HAUS8: variants seen among roughly 807,000 people sequenced by gnomAD.
HAUS8 encodes the protein HAUS augmin-like complex subunit 8.
HAUS8 carries 38 observed loss-of-function variants against 42.9 expected under a neutral mutation model. The ratio of observed to expected loss-of-function variants is 0.89; its 90% CI spans 0.68 to 1.16. The LOEUF is 1.16. HAUS8 is among the 50% of genes most tolerant of loss of function. The probability of loss-of-function intolerance (pLI) is 0.00; values close to 1 mark genes in which losing one functional copy is unlikely to be tolerated. For missense variants in HAUS8, 494 were observed against 511.6 expected (o/e 0.97, Z 0.33); for synonymous variants, 199 against 205.8 (o/e 0.97, Z 0.28).
intron 3 of HAUS8, among the ~76,000 whole-genome samples, chr19:17,065,748 C>T (rs1568639937): frequency 2.0e-5 from 3 of 151,466 alleles, no homozygotes; most frequent in East Asian, 3.9e-4. Flanking sequence ...AGCTTGAACC[C>T]GGGAGGCAGA....
chr19:17,052,544 TC>T (rs1395339307), intron 10 of HAUS8: 2 of 295,428 alleles, frequency 6.8e-6, no homozygotes, highest in East Asian at 1.7e-4. Flanking sequence ...GCCACTGCAC[TC>T]CAGCCTGGGC....
intron 9 of HAUS8, among the ~76,000 whole-genome samples, chr19:17,054,550 C>A (rs7246697): frequency 6.6e-6 from 1 of 151,696 alleles, no homozygotes; most frequent in African/African-American, 2.4e-5. Context: ...GCCTGTAATC[C>A]CAGCACTTTG....
chr19:17,073,686 G>C (rs2057442452), intron 1 of HAUS8: 1 of 254,224 alleles, frequency 3.9e-6, no homozygotes, highest in African/African-American at 2.2e-5. Flanking sequence ...ACAAAACACA[G>C]AGCTCCTTCC....
chr19:17,055,129 AAAAAAAAAAAAAAAATATATATAT>A (rs2057312509), intron 9 of HAUS8: 1 of 34,736 alleles, frequency 2.9e-5, no homozygotes. Flanking sequence ...AAAAAAAAAA[AAAAAAAAAAAAAAAATATATATAT>A]ATATATATAT....
chr19:17,053,779 CA>C (rs1276489809), intron 9 of HAUS8: 1 of 151,840 alleles, frequency 6.6e-6, no homozygotes, highest in African/African-American at 2.4e-5. Flanking sequence ...TCTCCTGCCT[CA>C]GGATCCTGAG....
Position 17,049,900 on chromosome 19 carries a change from G to C in HAUS8, c.1206C>G (p.Leu402=), listed in dbSNP as rs2057275422. Residue 402 remains leucine (L), a synonymous_variant, in exon 11 of 11, where the codon CTC becomes CTG. Coordinates refer to ENST00000253669, the MANE Select transcript of HAUS8 (RefSeq NM_033417.2). ...SSSQAEVPPS[L]SRSGRDLS Reference sequence around the variant, plus strand: ...ATGACAAGTCCCTCCCTGAACGAGAGAGAGAGGGCGGGACTTCTGCCTGGC... The same window carrying C: ...ATGACAAGTCCCTCCCTGAACGAGACAGAGAGGGCGGGACTTCTGCCTGGC... The C allele has an allele frequency of 1.3e-6, 2 of 1,504,570 alleles. No individual in the cohort carries two copies. Among genetic ancestry groups the C allele is most frequent in the Non-Finnish European group, 1.8e-6 (2 of 1,125,816 alleles). 93.2% of individuals were successfully genotyped at this position (1,504,570 alleles called of 1,614,324 possible).
At chr19:17,053,478 C>T (rs1471518357) in intron 9 of HAUS8, 2 of 158,498 alleles carry the variant, frequency 1.3e-5, no homozygotes, top group African/African-American at 4.8e-5. Flanking sequence ...ATCAGCCAGC[C>T]TCTTCTCCCT....
chr19:17,070,845 G>A (rs1457936512), intron 2 of HAUS8, among the ~76,000 whole-genome samples: 6 of 152,186 alleles, frequency 3.9e-5, no homozygotes, highest in Non-Finnish European at 8.8e-5. Context: ...CAAGGCAGGC[G>A]GATCACCTGA....
intron 4 of HAUS8, among the ~76,000 whole-genome samples, chr19:17,062,310 T>C (rs1396152543): frequency 6.6e-6 from 1 of 152,192 alleles, no homozygotes; most frequent in Non-Finnish European, 1.5e-5. Context: ...TTTTGTATTT[T>C]TAGTAGAAAT....
At chr19:17,053,384 C>T in intron 9 of HAUS8, 1 of 201,118 alleles carries the variant, frequency 5.0e-6, no homozygotes, top group South Asian at 8.8e-5. Context: ...TGCACTAGGA[C>T]AACACGCCTC....
chr19:17,070,789 G>C (rs1179497004), intron 2 of HAUS8, among the ~76,000 whole-genome samples: 3 of 152,220 alleles, frequency 2.0e-5, no homozygotes, highest in African/African-American at 7.2e-5. Context: ...ATGATTCTAG[G>C]CCAGGCGTAG....
At position 17,059,545 on chromosome 19, in the gene HAUS8, TCAGA is replaced by T. The variant is rs764311983; in HGVS notation, c.420+8_420+11del. On this transcript the variant is annotated splice_region_variant and intron_variant, in intron 6 of 10. Transcript: ENST00000253669. ...ACCCATCTGTGGCTGCCCTCTTCTTTCAGACACTTACCGGGCTCTTTTTCCGAGG... is the reference window on the plus strand; with the variant it reads ...ACCCATCTGTGGCTGCCCTCTTCTTTCACTTACCGGGCTCTTTTTCCGAGG... The T allele has an allele frequency of 8.1e-6, 13 of 1,597,754 alleles. No homozygotes were observed. The highest frequency in any genetic ancestry group is 7.7e-6 in the Non-Finnish European group (9 of 1,165,732).
intron 4 of HAUS8, among the ~76,000 whole-genome samples, chr19:17,060,435 C>T (rs548925574): frequency 3.3e-5 from 5 of 152,284 alleles, no homozygotes; most frequent in East Asian, 1.9e-4. Context: ...GTTTTTGAGA[C>T]GGAGTTTCAC....
chr19:17,052,546 C>G lies in HAUS8; in HGVS notation c.929+279G>C, dbSNP rs938220318. The stretch of plus-strand genomic sequence containing the variant: ...TGAGCTGAGATCTGCCACTGCACTC[C>G]AGCCTGGGCGACAGAGTGAGAACCT... On this transcript the variant is annotated intron_variant, in intron 10 of 10. Coordinates refer to ENST00000253669, the MANE Select transcript of HAUS8 (RefSeq NM_033417.2). The G allele has an allele frequency of 1.0e-5, 3 of 296,372 alleles. No homozygotes were observed. The Admixed American group carries it at 1.4e-4, about 14-fold the overall frequency. The allele number at this position is 296,372 out of a possible 1,614,324, so 18.4% of individuals were successfully genotyped here.
intron 3 of HAUS8, among the ~76,000 whole-genome samples, chr19:17,063,370 C>T (rs551094719): frequency 7.7e-4 from 118 of 152,282 alleles, no homozygotes; most frequent in Middle Eastern, 3.4e-3. Flanking sequence ...GACATGACGA[C>T]GCACAGACAC....
intron 2 of HAUS8, 73 bp from the exon 3 acceptor site, chr19:17,069,159 C>T (rs2057406167): frequency 1.5e-6 from 2 of 1,368,596 alleles, no homozygotes; most frequent in Admixed American, 1.9e-5. Flanking sequence ...GACCCCACGC[C>T]CCGGAGACCC....
chr19:17,063,291 G>T (rs529181075), intron 3 of HAUS8, among the ~76,000 whole-genome samples: 2 of 152,276 alleles, frequency 1.3e-5, no homozygotes, highest in South Asian at 4.1e-4. Flanking sequence ...GGGTCCAGGG[G>T]TTTGAGGCTG....
At chr19:17,056,090 AT>A in intron 8 of HAUS8, 88 bp from the exon 9 acceptor site, 1 of 1,272,526 alleles carries the variant, frequency 7.9e-7, no homozygotes, top group Non-Finnish European at 1.1e-6. Flanking sequence ...CAGGGTTAAG[AT>A]ACAGCGCTGT....
rs187377643 is a variant in HAUS8, at chr19:17,065,320, C to T, written c.148-2541G>A. 1.6e-4 allele frequency among the ~76,000 whole-genome samples: 24 copies of T among 152,190 alleles called. No individual in the cohort carries two copies. In the Middle Eastern group the frequency reaches 0.017, roughly 108 times the overall value. On this transcript the variant is annotated intron_variant, in intron 3 of 10. Coordinates refer to ENST00000253669, the MANE Select transcript of HAUS8 (RefSeq NM_033417.2). ...CTCATGGCTTGTAACTCCTATAAACCCTTGTTACAGTAAGCAGGATCTCTC... is the reference window on the plus strand; with the variant it reads ...CTCATGGCTTGTAACTCCTATAAACTCTTGTTACAGTAAGCAGGATCTCTC...
Sources: gnomAD v4.1 joint callset for allele counts (sites outside exome capture counted in the v4.1 genomes callset) on GRCh38, gnomAD v4.1.1 for gene constraint, MANE v1.5 for transcripts, NCBI Gene and HGNC (gene_info 2026-07-23, HGNC 2026-07-21) for gene names.